The following FSD1 variants were observed in gnomAD, a reference collection of about 807,000 sequenced individuals.
FSD1 encodes fibronectin type III and SPRY domain-containing protein 1.
Under a neutral mutation model 58.2 loss-of-function variants are expected in FSD1, and 23 were observed. The ratio of observed to expected loss-of-function variants is 0.40; its 90% CI spans 0.28 to 0.56. The LOEUF (loss-of-function observed/expected upper bound fraction) is 0.56. Among genes scored for constraint, FSD1 ranks in the 20% least tolerant of loss-of-function variants. The pLI is 0.54. For synonymous variants in FSD1, 265 were observed against 263.4 expected, an observed-to-expected ratio of 1.01 and a Z score of -0.06; for missense variants, 563 against 670.8, an observed-to-expected ratio of 0.84 and a Z score of 1.78.
chr19:4,318,299 C>G (rs1371691267), intron 8 of FSD1, 47 bp from the exon 9 acceptor site: 4 of 1,613,018 alleles, frequency 2.5e-6, no homozygotes, highest in Admixed American at 1.7e-5. Flanking sequence ...CTCTGTGTCT[C>G]TCCGGGTTTC....
At chr19:4,307,754 A>T (rs1157424651) in intron 3 of FSD1, 128 bp from the exon 4 acceptor site, 3 of 640,554 alleles carry the variant, frequency 4.7e-6, no homozygotes, top group Non-Finnish European at 7.9e-6. Flanking sequence ...TCAAGGCTCC[A>T]ATCTCCATCT....
chr19:4,315,373 A>G (rs1160839128), intron 7 of FSD1, among the ~76,000 whole-genome samples: 3 of 129,120 alleles, frequency 2.3e-5, no homozygotes, highest in Non-Finnish European at 4.6e-5. Context: ...CAGTGGTGCT[A>G]TCTCGGCTCA....
chr19:4,311,961 C>A lies in FSD1; in HGVS notation c.610C>A (p.Arg204=), dbSNP rs367820799. 1.4e-5 allele frequency: 22 copies of A among 1,612,562 alleles called. No individual in the cohort carries two copies. The highest frequency in any genetic ancestry group is 2.7e-5 in the African/African-American group (2 of 74,914). The change falls in exon 7 of 13, where the codon CGG becomes AGG. Residue 204 remains arginine (R), a synonymous_variant. Transcript: ENST00000221856. ...KIDHYVLEYR[R]TNFEGPPRLK... ...TGACCACTACGTGCTGGAGTACCGGCGGACCAACTTCGAGGGCCCGCCCCG... is the reference window on the plus strand; with the variant it reads ...TGACCACTACGTGCTGGAGTACCGGAGGACCAACTTCGAGGGCCCGCCCCG...
chr19:4,314,464 G>A (rs376738395), intron 7 of FSD1, among the ~76,000 whole-genome samples: 1 of 151,920 alleles, frequency 6.6e-6, no homozygotes. Context: ...AAATGGACAC[G>A]GGTGCAGTGG....
chr19:4,306,888 C>T (rs1971628803), intron 3 of FSD1, among the ~76,000 whole-genome samples: 1 of 152,142 alleles, frequency 6.6e-6, no homozygotes, highest in Non-Finnish European at 1.5e-5. Context: ...AAGGTATCAC[C>T]TCCACTCAAA....
Position 4,304,768 on chromosome 19 carries a change from CGGGGT to C in FSD1, c.15+12_15+16del. 11 of 72,906 alleles carry C rather than the reference CGGGGT, an allele frequency of 1.5e-4. No individual in the cohort carries two copies. Among genetic ancestry groups the C allele is most frequent in the Non-Finnish European group, 2.5e-4 (11 of 43,726 alleles). 4.5% of individuals were successfully genotyped at this position (72,906 alleles called of 1,614,324 possible). ...AGCCATGGAAGAACAGAGGGTAGGA[CGGGGT>C]GGGGCAGGGCGGGCCCGCAGGGGCG... On this transcript the variant is annotated splice_region_variant and intron_variant, in intron 1 of 12. Coordinates refer to ENST00000221856, the MANE Select transcript of FSD1 (RefSeq NM_024333.3).
chr19:4,321,246 A>G (rs1379951885), intron 10 of FSD1, among the ~76,000 whole-genome samples: 1 of 148,456 alleles, frequency 6.7e-6, no homozygotes, highest in African/African-American at 2.5e-5. Flanking sequence ...ACTGAGGAGT[A>G]TCTGGGGGAA....
chr19:4,307,294 G>C (rs544924208), intron 3 of FSD1, among the ~76,000 whole-genome samples: 2 of 152,068 alleles, frequency 1.3e-5, no homozygotes, highest in African/African-American at 4.8e-5. Context: ...GGGCTCAAGC[G>C]ATCCTCCTGC....
chr19:4,307,620 C>T (rs1971636519), intron 3 of FSD1, among the ~76,000 whole-genome samples: 3 of 151,988 alleles, frequency 2.0e-5, no homozygotes, highest in Non-Finnish European at 4.4e-5. Flanking sequence ...CCTCCCGCCT[C>T]AGCCTCCCAA....
chr19:4,310,230 CA>C, intron 4 of FSD1, 42 bp from the exon 5 acceptor site: 1 of 1,612,796 alleles, frequency 6.2e-7, no homozygotes, highest in Non-Finnish European at 8.5e-7. Context: ...GTCTCAAAAA[CA>C]AAAAAAGAAA....
intron 10 of FSD1, among the ~76,000 whole-genome samples, chr19:4,321,155 T>C (rs1331926028): frequency 7.8e-6 from 1 of 127,852 alleles, no homozygotes; most frequent in Non-Finnish European, 1.6e-5. Context: ...CTGAGGAGTA[T>C]CTGGGGGGAA....
At chr19:4,313,327 C>T (rs1444418258) in intron 7 of FSD1, among the ~76,000 whole-genome samples, 3 of 150,460 alleles carry the variant, frequency 2.0e-5, no homozygotes, top group Admixed American at 6.6e-5. Context: ...AGCAACAGAG[C>T]GAGACCCTGT....
chr19:4,313,249 G>A (rs1971715244), intron 7 of FSD1, among the ~76,000 whole-genome samples: 1 of 151,952 alleles, frequency 6.6e-6, no homozygotes, highest in South Asian at 2.1e-4. Flanking sequence ...GCTAAGGTGG[G>A]AGGATTGTTT....
At chr19:4,320,044 G>T (rs1338024593) in intron 10 of FSD1, among the ~76,000 whole-genome samples, 1 of 152,056 alleles carries the variant, frequency 6.6e-6, no homozygotes, top group African/African-American at 2.4e-5. Flanking sequence ...AAGCCAAGGG[G>T]TATCCCAATT....
intron 3 of FSD1, 132 bp from the exon 4 acceptor site, chr19:4,307,750 C>T (rs1472356320): frequency 1.6e-6 from 1 of 629,046 alleles, no homozygotes; most frequent in African/African-American, 1.9e-5. Flanking sequence ...GCGCTCAAGG[C>T]TCCAATCTCC....
In FSD1 at chr19:4,304,773, TGGGGCAGGGC is replaced by T; in HGVS notation, c.15+16_15+25del. 1.6e-5 allele frequency: 1 copy of T among 60,672 alleles called. No individual in the cohort carries two copies. Among genetic ancestry groups the T allele is most frequent in the Non-Finnish European group, 2.7e-5 (1 of 37,586 alleles). 3.8% of individuals were successfully genotyped at this position (60,672 alleles called of 1,614,324 possible). On this transcript the variant is annotated intron_variant, in intron 1 of 12. Coordinates refer to ENST00000221856, the MANE Select transcript of FSD1 (RefSeq NM_024333.3). ...TGGAAGAACAGAGGGTAGGACGGGG[TGGGGCAGGGC>T]GGGCCCGCAGGGGCGTCGGGGGCGG...
intron 4 of FSD1, among the ~76,000 whole-genome samples, chr19:4,309,347 T>C (rs1043679128): frequency 2.0e-5 from 3 of 152,192 alleles, no homozygotes; most frequent in African/African-American, 7.2e-5. Flanking sequence ...AAGAACTGCA[T>C]TTGTGTGAGT....
rs898436871 is a variant in FSD1 at position 4,304,685 on chromosome 19, A to G, written c.-62A>G. On this transcript the variant is annotated 5_prime_UTR_variant, in exon 1 of 13. Coordinates refer to ENST00000221856, the MANE Select transcript of FSD1 (RefSeq NM_024333.3). ...ATTGGCTACCGGCCGCGGCAAAGGC[A>G]GCTTGGGGACCCAGCGTGCGCGGGG... is the stretch of plus-strand genomic sequence containing the variant. 5.6e-5 allele frequency: 63 copies of G among 1,115,464 alleles called. No homozygotes were observed. The highest frequency in any genetic ancestry group is 6.8e-5 in the Non-Finnish European group (61 of 892,994). 69.1% of individuals were successfully genotyped at this position (1,115,464 alleles called of 1,614,324 possible).
In FSD1 at chr19:4,323,498, C is replaced by T; in HGVS notation, c.1381-35C>T. 6.3e-7 allele frequency: 1 copy of T among 1,578,814 alleles called. No homozygotes were observed. Among genetic ancestry groups the T allele is most frequent in the Non-Finnish European group, 8.7e-7 (1 of 1,149,696 alleles). On this transcript the variant is annotated intron_variant, in intron 12 of 12. Coordinates refer to ENST00000221856, the MANE Select transcript of FSD1 (RefSeq NM_024333.3). This position sits in a 1 kb window ranked among gnomAD's most constrained non-coding sequence, Gnocchi z 7.7. The stretch of plus-strand genomic sequence containing the variant: ...TGGTGCTGGGCGCTGGGGTTTGAAG[C>T]TGAGCCCCTCCCCCCTCCCCCCGCT...
Sources: gnomAD v4.1 joint callset for allele counts (sites outside exome capture counted in the v4.1 genomes callset) on GRCh38, gnomAD v4.1.1 for gene constraint, Gnocchi (gnomAD v3.1) non-coding constraint, MANE v1.5 for transcripts, NCBI Gene and HGNC (gene_info 2026-07-23, HGNC 2026-07-21) for gene names.